IQSEC1: variants seen among roughly 807,000 people sequenced by gnomAD.
IQSEC1 encodes IQ motif and SEC7 domain-containing protein 1.
A neutral mutation model predicts 91.0 loss-of-function variants in IQSEC1; 31 were observed. The observed-to-expected ratio is 0.34, with a 90% CI of 0.26 to 0.46. The LOEUF is 0.46. IQSEC1 is among the 20% of genes least tolerant of loss of function. IQSEC1 has a pLI of 1.00. For synonymous variants in IQSEC1, 699 were observed against 662.6 expected, an observed-to-expected ratio of 1.05 and a Z score of -0.84; for missense variants, 1,388 against 1,575.6, an observed-to-expected ratio of 0.88 and a Z score of 2.02.
At chr3:12,936,936 CTT>C (rs1163135062) in intron 2 of IQSEC1, among the ~76,000 whole-genome samples, 10 of 144,164 alleles carry the variant, frequency 6.9e-5, no homozygotes, top group Non-Finnish European at 1.1e-4. Flanking sequence ...TCTCAGACCT[CTT>C]TTTTTTTTTT....
intron 12 of IQSEC1, among the ~76,000 whole-genome samples, chr3:12,907,139 C>T (rs950142300): frequency 4.6e-5 from 7 of 152,148 alleles, no homozygotes; most frequent in African/African-American, 1.2e-4. Context: ...TCAATCAAGC[C>T]GAGGTTGAGA....
At chr3:13,269,134 T>C (rs558823896) in intron 1 of IQSEC1, among the ~76,000 whole-genome samples, 7 of 151,952 alleles carry the variant, frequency 4.6e-5, no homozygotes, top group Admixed American at 3.3e-4. Flanking sequence ...TGCAGGGGGT[T>C]GGGGTAGGCA....
At chr3:13,062,104 G>A (rs77980001) in intron 1 of IQSEC1, among the ~76,000 whole-genome samples, 1,903 of 152,292 alleles carry the variant, frequency 0.012, 43 homozygotes, top group African/African-American at 0.044. Context: ...CAGATCGTGG[G>A]CTATTCACTG....
At chr3:13,057,633 G>C (rs1349082333) in intron 1 of IQSEC1, among the ~76,000 whole-genome samples, 1 of 152,228 alleles carries the variant, frequency 6.6e-6, no homozygotes, top group African/African-American at 2.4e-5. Context: ...ACCTGGCACA[G>C]GGTCACACAA....
chr3:13,236,106 T>C (rs1694924002), intron 1 of IQSEC1, among the ~76,000 whole-genome samples: 1 of 152,068 alleles, frequency 6.6e-6, no homozygotes, highest in Non-Finnish European at 1.5e-5. Context: ...CACCAACCTT[T>C]ACTCATCTCT....
intron 1 of IQSEC1, among the ~76,000 whole-genome samples, chr3:13,035,742 C>G (rs985547369): frequency 6.6e-6 from 1 of 152,236 alleles, no homozygotes; most frequent in Non-Finnish European, 1.5e-5. Flanking sequence ...AAGTCCTTCA[C>G]CATGGGCTTG....
chr3:12,907,766 C>G (rs974469217), intron 12 of IQSEC1, among the ~76,000 whole-genome samples: 6 of 152,222 alleles, frequency 3.9e-5, no homozygotes, highest in Non-Finnish European at 8.8e-5. Context: ...TAAACACACA[C>G]AGAAACAAAG....
chr3:13,085,521 G>A lies in IQSEC1; in HGVS notation c.303-37999C>T, dbSNP rs187264875. Among the ~76,000 whole-genome samples, 27 of 152,318 alleles carry A rather than the reference G, an allele frequency of 1.8e-4. 1 individual carries two copies. The South Asian group carries it at 2.7e-3, about 15-fold the overall frequency. ...TTAAGGACCAGAAAACTAGGCCTCCGTGACGGCAGCCCTGCCAGCAGAGCC... is the reference window on the plus strand; with the variant it reads ...TTAAGGACCAGAAAACTAGGCCTCCATGACGGCAGCCCTGCCAGCAGAGCC... On this transcript the variant is annotated intron_variant, in intron 2 of 15. Coordinates refer to the IQSEC1 transcript ENST00000648114.
At chr3:13,201,098 A>T (rs942433931) in intron 1 of IQSEC1, among the ~76,000 whole-genome samples, 1 of 152,174 alleles carries the variant, frequency 6.6e-6, no homozygotes, top group African/African-American at 2.4e-5. Flanking sequence ...CCGCACAACA[A>T]ATGCGTGAGG....
intron 1 of IQSEC1, among the ~76,000 whole-genome samples, chr3:12,991,344 G>C (rs949714592): frequency 6.6e-6 from 1 of 152,190 alleles, no homozygotes; most frequent in African/African-American, 2.4e-5. Flanking sequence ...GGAAAGGCAG[G>C]GGGCTCCAGA....
chr3:12,951,566 C>T (rs1699549382), intron 1 of IQSEC1, among the ~76,000 whole-genome samples: 1 of 152,244 alleles, frequency 6.6e-6, no homozygotes, highest in East Asian at 1.9e-4. Context: ...ACCCACTTCT[C>T]TAGTCTTGAG....
At chr3:13,071,143 G>GTTTTTTTTTTTTTTTTTTTTTT (rs1553563495) in intron 1 of IQSEC1, among the ~76,000 whole-genome samples, 2 of 112,720 alleles carry the variant, frequency 1.8e-5, no homozygotes, top group Non-Finnish European at 3.8e-5. Flanking sequence ...GACCCACACA[G>GTTTTTTTTTTTTTTTTTTTTTT]TTTTTTTTTG....
chr3:13,124,272 C>G (rs1325823923), intron 2 of IQSEC1, among the ~76,000 whole-genome samples: 1 of 152,118 alleles, frequency 6.6e-6, no homozygotes, highest in Non-Finnish European at 1.5e-5. Context: ...CTGGGGGGAC[C>G]CAGCTTCCTA....
At chr3:12,902,320 C>T (rs1215276329) in intron 13 of IQSEC1, among the ~76,000 whole-genome samples, 5 of 151,984 alleles carry the variant, frequency 3.3e-5, no homozygotes, top group Non-Finnish European at 7.4e-5. Flanking sequence ...AAGAAGAAAG[C>T]GATGAGGATG....
Position 13,214,645 on chromosome 3 carries a change from A to G in IQSEC1, c.273-50512T>C, listed in dbSNP as rs1694509093. Among the ~76,000 whole-genome samples, 1 of 152,210 alleles carries G rather than the reference A, an allele frequency of 6.6e-6. No individual in the cohort carries two copies. Among genetic ancestry groups the G allele is most frequent in the African/African-American group, 2.4e-5 (1 of 41,464 alleles). On this transcript the variant is annotated intron_variant, in intron 1 of 15. Transcript: ENST00000648114. The surrounding 1 kb of genome is among the most constrained non-coding windows in gnomAD (Gnocchi z 4.5). ...ACCTCCAGGAATCCACCCTGGCAAG[A>G]GCAGGGCCACGGTGCCATCAAGGGG... is the stretch of plus-strand genomic sequence containing the variant.
At chr3:13,159,462 C>T (rs1378778652) in intron 2 of IQSEC1, among the ~76,000 whole-genome samples, 1 of 152,132 alleles carries the variant, frequency 6.6e-6, no homozygotes, top group African/African-American at 2.4e-5. Flanking sequence ...CCTGCCCAGA[C>T]CTACTGAGTG....
At chr3:12,938,239 G>A (rs909750818) in intron 2 of IQSEC1, among the ~76,000 whole-genome samples, 14 of 152,238 alleles carry the variant, frequency 9.2e-5, no homozygotes, top group Non-Finnish European at 1.8e-4. Flanking sequence ...ATCACACCTG[G>A]AGGTGGAATG....
Position 12,962,381 on chromosome 3 carries a change from GA to G in IQSEC1, c.24-20517del, listed in dbSNP as rs546497972. On this transcript the variant is annotated intron_variant, in intron 1 of 13. Transcript: ENST00000613206. Reference sequence around the variant, plus strand: ...TGGCTTCTGTAAATGGCATCAGGGAGAAAGTATTCATGTTGGCAGACAGACT... The same window carrying G: ...TGGCTTCTGTAAATGGCATCAGGGAGAAGTATTCATGTTGGCAGACAGACT... Among the ~76,000 whole-genome samples the G allele has an allele frequency of 1.5e-3, 236 of 152,368 alleles. 1 individual carries two copies. The highest frequency in any genetic ancestry group is 5.4e-3 in the African/African-American group (226 of 41,588).
At chr3:13,234,845 C>T (rs1694899371) in intron 1 of IQSEC1, among the ~76,000 whole-genome samples, 1 of 152,198 alleles carries the variant, frequency 6.6e-6, no homozygotes, top group African/African-American at 2.4e-5. Flanking sequence ...CCCTGTGTTT[C>T]TCCCCGCATG....
Sources: allele counts gnomAD v4.1 joint callset (sites outside exome capture counted in the v4.1 genomes callset), GRCh38; gene constraint gnomAD v4.1.1; non-coding constraint Gnocchi (gnomAD v3.1); transcripts MANE v1.5; gene names NCBI Gene and HGNC (gene_info 2026-07-23, HGNC 2026-07-21).